Variants in EME2 observed in about 807,000 individuals in gnomAD.
EME2 encodes structure-specific endonuclease subunit EME2.
A neutral mutation model predicts 41.9 loss-of-function variants in EME2; 58 were observed. The ratio of observed to expected loss-of-function variants is 1.38; its 90% confidence interval spans 1.12 to 1.72. The LOEUF is 1.72. EME2 is among the 40% of genes most tolerant of loss of function. The pLI is 0.00. For synonymous variants in EME2, 334 were observed against 239.3 expected, an observed-to-expected ratio of 1.40 and a Z score of -3.65; for missense variants, 695 against 541.9, an observed-to-expected ratio of 1.28 and a Z score of -2.81.
Position 1,777,979 on chromosome 16 carries a change from T to C in EME2, c.*1741T>C. On this transcript the variant is annotated 3_prime_UTR_variant, in exon 8 of 8. Transcript: ENST00000568449. ...GAGAGGCCCCAGCTGTCCTCATCCCTGCCCAGCAGGCTGCAGAACGTGTGG... is the reference window on the plus strand; with the variant it reads ...GAGAGGCCCCAGCTGTCCTCATCCCCGCCCAGCAGGCTGCAGAACGTGTGG... The C allele has an allele frequency of 6.2e-7, 1 of 1,613,106 alleles. No homozygotes were observed. Among genetic ancestry groups the C allele is most frequent in the Non-Finnish European group, 8.5e-7 (1 of 1,179,948 alleles).
chr16:1,774,467 C>A, intron 3 of EME2, 115 bp downstream of exon 3: 1 of 787,760 alleles, frequency 1.3e-6, no homozygotes, highest in Non-Finnish European at 2.1e-6. Context: ...GGGCATGGGG[C>A]AGGCCAGGAC....
Position 1,779,512 on chromosome 16 carries a change from G to A in EME2, c.*3274G>A, listed in dbSNP as rs982711528. ...GTGAACGTGGACCTATCGAAAGCCA[G>A]CTTCAGGGCAGGACACTGTCCTTTC... On this transcript the variant is annotated 3_prime_UTR_variant, in exon 8 of 8. Coordinates refer to ENST00000568449, the MANE Select transcript of EME2 (RefSeq NM_001257370.2). 1 of 152,356 alleles carries A rather than the reference G, an allele frequency of 6.6e-6. No homozygotes were observed. Among genetic ancestry groups the A allele is most frequent in the Non-Finnish European group, 1.5e-5 (1 of 68,150 alleles). The allele number at this position is 152,356 out of a possible 1,614,324, so 9.4% of individuals were successfully genotyped here.
chr16:1,775,079 C>T lies in EME2; in HGVS notation c.516C>T (p.Pro172=), dbSNP rs1270558948. 5.0e-6 allele frequency: 8 copies of T among 1,610,834 alleles called. No individual in the cohort carries two copies. Among genetic ancestry groups the T allele is most frequent in the African/African-American group, 2.7e-5 (2 of 75,064 alleles). The part of the protein sequence containing the change: ...GPTHWVPWIS[P]ETTARPHLAV... ...CCCACTGGGTGCCCTGGATCTCCCC[C>T]GAGACCACCGCCCGGCCCCACCTGG... The change falls in exon 4 of 8, where the codon CCC becomes CCT. Residue 172 remains proline (P), a synonymous_variant. Coordinates refer to ENST00000568449, the MANE Select transcript of EME2 (RefSeq NM_001257370.2).
chr16:1,777,870 G>A lies in EME2; in HGVS notation c.*1632G>A, dbSNP rs1468023652. ...GTCTTGTCGCCCTTGTGGTGGAGGA[G>A]GCCTGGGGGCAGCCAGGGTCGCAGT... On this transcript the variant is annotated 3_prime_UTR_variant, in exon 8 of 8. Transcript: ENST00000568449. 5 of 1,612,282 alleles carry A rather than the reference G, an allele frequency of 3.1e-6. No individual in the cohort carries two copies. Among genetic ancestry groups the A allele is most frequent in the Admixed American group, 3.3e-5 (2 of 59,986 alleles).
chr16:1,775,527 G>A, intron 5 of EME2, 42 bp from the exon 6 acceptor site: 2 of 1,605,844 alleles, frequency 1.2e-6, no homozygotes, highest in Non-Finnish European at 8.5e-7. Flanking sequence ...GTCCCGGGTA[G>A]CCTTCCTCTG....
In EME2 at chr16:1,781,521, A is replaced by G; in HGVS notation, c.*5283A>G. On this transcript the variant is annotated 3_prime_UTR_variant, in exon 8 of 8. Coordinates refer to ENST00000568449, the MANE Select transcript of EME2 (RefSeq NM_001257370.2). Reference sequence around the variant, plus strand: ...CTAGAAGAAAACACAGGCTCTGGGCAAAGGAAGACTCACAGCACTCCCAGC... The same window carrying G: ...CTAGAAGAAAACACAGGCTCTGGGCGAAGGAAGACTCACAGCACTCCCAGC... 6.2e-7 allele frequency: 1 copy of G among 1,603,824 alleles called. No individual in the cohort carries two copies. The highest frequency in any genetic ancestry group is 8.5e-7 in the Non-Finnish European group (1 of 1,175,104).
At chr16:1,774,197 A>T in intron 2 of EME2, 63 bp from the exon 3 acceptor site, 1 of 1,451,940 alleles carries the variant, frequency 6.9e-7, no homozygotes, top group Non-Finnish European at 9.6e-7. Context: ...TGGACTGCCC[A>T]GGCAGGGCCC....
chr16:1,777,810 T>G lies in EME2; in HGVS notation c.*1572T>G. ...TGCCAGGTGTCCAGGTGCACGCCAA[T>G]GATGGAGCCCTGGCCGAACCGCGAT... On this transcript the variant is annotated 3_prime_UTR_variant, in exon 8 of 8. Transcript: ENST00000568449. 1 of 1,612,894 alleles carries G rather than the reference T, an allele frequency of 6.2e-7. No individual in the cohort carries two copies. Among genetic ancestry groups the G allele is most frequent in the South Asian group, 1.1e-5 (1 of 91,074 alleles).
chr16:1,776,541 C>T lies in EME2; in HGVS notation c.*303C>T, dbSNP rs1272659654. On this transcript the variant is annotated 3_prime_UTR_variant, in exon 8 of 8. Transcript: ENST00000568449. ...AACACACACACACACTCGGCAGGGA[C>T]CAGAAGGCAGCTCCAGGGCCCCACT... 1.8e-5 allele frequency: 7 copies of T among 385,534 alleles called. No homozygotes were observed. In the East Asian group the frequency reaches 3.0e-4, roughly 17 times the overall value. The allele number at this position is 385,534 out of a possible 1,614,324, so 23.9% of individuals were successfully genotyped here.
Position 1,773,368 on chromosome 16 carries a change from C to A in EME2, c.141C>A (p.Ala47=). The stretch of plus-strand genomic sequence containing the variant: ...AGGACTCCGCCGGCTCGGAGGCCGC[C>A]GCGAGAGCCCGGGACCCAGCGGGTG... The part of the protein sequence containing the change: ...DAEDSAGSEA[A]ARARDPAGER... The change falls in exon 1 of 8, where the codon GCC becomes GCA. Residue 47 remains alanine (A), a synonymous_variant. Transcript: ENST00000568449. 6.5e-7 allele frequency: 1 copy of A among 1,528,212 alleles called. No homozygotes were observed. The highest frequency in any genetic ancestry group is 8.7e-7 in the Non-Finnish European group (1 of 1,149,202). 94.7% of individuals were successfully genotyped at this position (1,528,212 alleles called of 1,614,324 possible). A position where few individuals can be genotyped will look rare whatever the true frequency, so the allele number is the denominator to read the frequency against.
chr16:1,775,357 C>A lies in EME2; in HGVS notation c.612C>A (p.Ser204Arg), dbSNP rs1418543537. 1.2e-6 allele frequency: 2 copies of A among 1,611,604 alleles called. No individual in the cohort carries two copies. The highest frequency in any genetic ancestry group is 1.7e-6 in the Non-Finnish European group (2 of 1,179,990). The change falls in exon 5 of 8, where the codon AGC (serine) becomes AGA (arginine). Residue 204 changes from serine to arginine, a missense_variant. Transcript: ENST00000568449. ...HVSRGTQQPE[S>R]PKVAGAEVAV... ...CCCGGGGGACACAGCAGCCAGAGAG[C>A]CCGAAGGTGGCCGGTGCCGAGGTGG... is the stretch of plus-strand genomic sequence containing the variant.
At position 1,778,658 on chromosome 16, in the gene EME2, C is replaced by T. The variant is rs757455324; in HGVS notation, c.*2420C>T. 67 of 1,510,812 alleles carry T rather than the reference C, an allele frequency of 4.4e-5. No individual in the cohort carries two copies. Among genetic ancestry groups the T allele is most frequent in the South Asian group, 7.7e-5 (6 of 78,006 alleles). The allele number at this position is 1,510,812 out of a possible 1,614,324, so 93.6% of individuals were successfully genotyped here. A position where few individuals can be genotyped will look rare whatever the true frequency, so the allele number is the denominator to read the frequency against. On this transcript the variant is annotated 3_prime_UTR_variant, in exon 8 of 8. Coordinates refer to ENST00000568449, the MANE Select transcript of EME2 (RefSeq NM_001257370.2). ...GTTACTACCTGTTGCCCGCTCTCTACCCTCTCACCCTTGCCCTCTGTCCCT... is the reference window on the plus strand; with the variant it reads ...GTTACTACCTGTTGCCCGCTCTCTATCCTCTCACCCTTGCCCTCTGTCCCT...
chr16:1,777,943 CACCCGTGT>C lies in EME2; in HGVS notation c.*1707_*1714del, dbSNP rs750953090. The C allele has an allele frequency of 6.2e-7, 1 of 1,612,596 alleles. No homozygotes were observed. Among genetic ancestry groups the C allele is most frequent in the Non-Finnish European group, 8.5e-7 (1 of 1,179,884 alleles). On this transcript the variant is annotated 3_prime_UTR_variant, in exon 8 of 8. Coordinates refer to ENST00000568449, the MANE Select transcript of EME2 (RefSeq NM_001257370.2). ...GCCCCGCCCCACCCTGGGCCTCACG[CACCCGTGT>C]AGGAGAGGCCCCAGCTGTCCTCATC... is the stretch of plus-strand genomic sequence containing the variant.
intron 3 of EME2, 119 bp downstream of exon 3, chr16:1,774,471 C>G (rs1029483856): frequency 3.9e-5 from 30 of 772,696 alleles, no homozygotes; most frequent in Middle Eastern, 3.4e-4. Context: ...ATGGGGCAGG[C>G]CAGGACTCCT....
rs929641538 is a variant in EME2 at position 1,773,124 on chromosome 16, G to A, written c.-104G>A. On this transcript the variant is annotated 5_prime_UTR_variant, in exon 1 of 8. Transcript: ENST00000568449. ...ACGCACCTTCTTCCGCGCCATGGCG[G>A]GTCCGCGTCCTCAGCGGTCCGGCCG... The A allele has an allele frequency of 8.6e-6, 12 of 1,390,980 alleles. No individual in the cohort carries two copies. Among genetic ancestry groups the A allele is most frequent in the Non-Finnish European group, 1.1e-5 (12 of 1,077,902 alleles). 86.2% of individuals were successfully genotyped at this position (1,390,980 alleles called of 1,614,324 possible).
Position 1,773,367 on chromosome 16 carries a change from C to T in EME2, c.140C>T (p.Ala47Val). 1 of 1,526,974 alleles carries T rather than the reference C, an allele frequency of 6.5e-7. No homozygotes were observed. The highest frequency in any genetic ancestry group is 8.7e-7 in the Non-Finnish European group (1 of 1,148,548). The allele number at this position is 1,526,974 out of a possible 1,614,324, so 94.6% of individuals were successfully genotyped here. A position where few individuals can be genotyped will look rare whatever the true frequency, so the allele number is the denominator to read the frequency against. Residue 47 changes from alanine (A) to valine (V), a missense_variant, in exon 1 of 8, where the codon GCC (alanine) becomes GTC (valine). Transcript: ENST00000568449. ...DAEDSAGSEA[A>V]ARARDPAGER... ...GAGGACTCCGCCGGCTCGGAGGCCGCCGCGAGAGCCCGGGACCCAGCGGGT... is the reference window on the plus strand; with the variant it reads ...GAGGACTCCGCCGGCTCGGAGGCCGTCGCGAGAGCCCGGGACCCAGCGGGT...
chr16:1,773,325 T>TC lies in EME2; in HGVS notation c.99dup (p.Ser34LeufsTer6). 1 of 1,510,924 alleles carries TC rather than the reference T, an allele frequency of 6.6e-7. No homozygotes were observed. Among genetic ancestry groups the TC allele is most frequent in the Non-Finnish European group, 8.8e-7 (1 of 1,139,120 alleles). The allele number at this position is 1,510,924 out of a possible 1,614,324, so 93.6% of individuals were successfully genotyped here. ...CAGCGGCGACCTCCAACCTGGGAGA[T>TC]CTCAGACTCCGACGCTGAGGACTCC... is the stretch of plus-strand genomic sequence containing the variant. On this transcript the variant is annotated frameshift_variant, in exon 1 of 8. Coordinates refer to ENST00000568449, the MANE Select transcript of EME2 (RefSeq NM_001257370.2). LOFTEE classifies it high-confidence loss of function.
Position 1,774,359 on chromosome 16 carries a change from G to T in EME2, c.477+7G>T, listed in dbSNP as rs780572897. The stretch of plus-strand genomic sequence containing the variant: ...CGTCGCCACACTGACCCAGGTGCTC[G>T]GGTGGTGGCAGTAGTCCCTCTCTAA... On this transcript the variant is annotated splice_region_variant and intron_variant, in intron 3 of 7. Coordinates refer to ENST00000568449, the MANE Select transcript of EME2 (RefSeq NM_001257370.2). The T allele has an allele frequency of 1.2e-6, 2 of 1,611,602 alleles. No individual in the cohort carries two copies. The highest frequency in any genetic ancestry group is 2.2e-5 in the East Asian group (1 of 44,894).
In EME2 at chr16:1,773,702, C is replaced by G. The variant is rs531318985; in HGVS notation, c.248-3C>G. ...TGACCGCGCTCCTCTCCCCCGGTCCCAGCCATCCTGGAAGACGCCGGTGCC... is the reference window on the plus strand; with the variant it reads ...TGACCGCGCTCCTCTCCCCCGGTCCGAGCCATCCTGGAAGACGCCGGTGCC... On this transcript the variant is annotated splice_region_variant and splice_polypyrimidine_tract_variant and intron_variant, in intron 1 of 7. Coordinates refer to ENST00000568449, the MANE Select transcript of EME2 (RefSeq NM_001257370.2). The G allele has an allele frequency of 1.2e-4, 185 of 1,548,664 alleles. No individual in the cohort carries two copies. The highest frequency in any genetic ancestry group is 3.9e-4 in the Admixed American group (20 of 51,024).
Sources: gnomAD v4.1 joint callset for allele counts on GRCh38, gnomAD v4.1.1 for gene constraint, MANE v1.5 for transcripts, NCBI Gene and HGNC (gene_info 2026-07-23, HGNC 2026-07-21) for gene names.